Variants in REC114 observed in about 807,000 individuals in gnomAD.
REC114 encodes meiotic recombination protein REC114.
A neutral mutation model predicts 31.3 loss-of-function variants in REC114; 27 were observed. That is an observed-to-expected ratio of 0.86 (90% CI 0.64 to 1.19). REC114 has a LOEUF of 1.19. Among genes scored for constraint, REC114 ranks in the 50% most tolerant of loss-of-function variants. The pLI is 0.00. For synonymous variants in REC114, 134 were observed against 127.7 expected, an observed-to-expected ratio of 1.05 and a Z score of -0.33; for missense variants, 344 against 326.9, an observed-to-expected ratio of 1.05 and a Z score of -0.40.
At chr15:73,516,690 C>T (rs1176943040) in intron 2 of REC114, among the ~76,000 whole-genome samples, 1 of 152,158 alleles carries the variant, frequency 6.6e-6, no homozygotes, top group Non-Finnish European at 1.5e-5. Flanking sequence ...TGCAATGAAG[C>T]AGTCTCGGCT....
At chr15:73,514,743 A>T (rs1051235713) in intron 2 of REC114, among the ~76,000 whole-genome samples, 19 of 152,104 alleles carry the variant, frequency 1.2e-4, no homozygotes, top group Non-Finnish European at 2.4e-4. Flanking sequence ...TAAGACAGCA[A>T]AATTCAGAAT....
intron 2 of REC114, among the ~76,000 whole-genome samples, chr15:73,489,968 T>G (rs1333098888): frequency 6.6e-6 from 1 of 152,214 alleles, no homozygotes; most frequent in African/African-American, 2.4e-5. Context: ...TGGAATCTTT[T>G]GAGAGTGAGG....
chr15:73,466,140 C>T (rs1209068912), intron 1 of REC114, among the ~76,000 whole-genome samples: 1 of 152,030 alleles, frequency 6.6e-6, no homozygotes, highest in African/African-American at 2.4e-5. Flanking sequence ...CATGAGCCAC[C>T]GCACCCGGCC....
At chr15:73,532,606 G>A (rs1358057541) in intron 2 of REC114, among the ~76,000 whole-genome samples, 1 of 151,950 alleles carries the variant, frequency 6.6e-6, no homozygotes, top group African/African-American at 2.4e-5. Flanking sequence ...CACCAACAGT[G>A]TAAAAGTGTT....
chr15:73,528,545 G>T (rs749690084), intron 2 of REC114, among the ~76,000 whole-genome samples: 15 of 152,160 alleles, frequency 9.9e-5, no homozygotes, highest in Non-Finnish European at 1.9e-4. Context: ...TAGGGCAGGG[G>T]TTAGCACACA....
chr15:73,489,713 G>A (rs1221731130), intron 2 of REC114, among the ~76,000 whole-genome samples: 1 of 151,474 alleles, frequency 6.6e-6, no homozygotes, highest in Non-Finnish European at 1.5e-5. Context: ...CCATAGTGAG[G>A]GGAGAGTCTG....
intron 1 of REC114, among the ~76,000 whole-genome samples, chr15:73,455,145 C>T (rs2151252357): frequency 6.6e-6 from 1 of 151,780 alleles, no homozygotes; most frequent in South Asian, 2.1e-4. Flanking sequence ...AAAGAGAAAA[C>T]AAGATTTGTT....
chr15:73,505,342 C>T (rs1893661410), intron 2 of REC114, among the ~76,000 whole-genome samples: 1 of 152,102 alleles, frequency 6.6e-6, no homozygotes, highest in South Asian at 2.1e-4. Flanking sequence ...GTGTACTCAA[C>T]CTGTTGGCCC....
At chr15:73,503,715 A>G (rs1336868706) in intron 2 of REC114, among the ~76,000 whole-genome samples, 2 of 151,950 alleles carry the variant, frequency 1.3e-5, no homozygotes, top group African/African-American at 4.8e-5. Flanking sequence ...ATCTTTTCTT[A>G]TTGGCAATTT....
chr15:73,533,706 C>A (rs879789361), intron 2 of REC114, among the ~76,000 whole-genome samples: 214 of 147,024 alleles, frequency 1.5e-3, no homozygotes, highest in Middle Eastern at 3.5e-3. Flanking sequence ...ATCTACAGAA[C>A]TCTCCACCCC....
At chr15:73,447,962 G>A (rs1426085871) in intron 1 of REC114, among the ~76,000 whole-genome samples, 2 of 152,170 alleles carry the variant, frequency 1.3e-5, no homozygotes, top group African/African-American at 4.8e-5. Flanking sequence ...CACAGATACT[G>A]TGCTTTTCCC....
intron 2 of REC114, among the ~76,000 whole-genome samples, chr15:73,531,354 T>C (rs1299838676): frequency 6.6e-6 from 1 of 152,224 alleles, no homozygotes; most frequent in African/African-American, 2.4e-5. Context: ...TTTCTCCCTT[T>C]CGTTGATGGC....
chr15:73,454,646 C>T (rs768521992), intron 1 of REC114, among the ~76,000 whole-genome samples: 12 of 152,112 alleles, frequency 7.9e-5, no homozygotes, highest in Admixed American at 3.3e-4. Flanking sequence ...GGCTGAAATA[C>T]AAAATGAGGT....
intron 1 of REC114, among the ~76,000 whole-genome samples, chr15:73,450,592 C>T (rs1892831024): frequency 6.6e-6 from 1 of 152,140 alleles, no homozygotes; most frequent in Non-Finnish European, 1.5e-5. Flanking sequence ...GGAAAATTAA[C>T]AAGGATATCC....
At chr15:73,541,470 A>T (rs940521251) in intron 3 of REC114, among the ~76,000 whole-genome samples, 7 of 152,226 alleles carry the variant, frequency 4.6e-5, no homozygotes, top group East Asian at 1.9e-4. Flanking sequence ...AAGCATATAT[A>T]TTAGTTCACA....
chr15:73,498,173 G>A (rs1243670125), intron 2 of REC114, among the ~76,000 whole-genome samples: 3 of 150,042 alleles, frequency 2.0e-5, no homozygotes, highest in Non-Finnish European at 4.4e-5. Flanking sequence ...TTTTTTTTCC[G>A]AGTTTGCTTT....
At chr15:73,552,383 A>G (rs1894405053) in intron 4 of REC114, among the ~76,000 whole-genome samples, 1 of 152,250 alleles carries the variant, frequency 6.6e-6, no homozygotes, top group Admixed American at 6.5e-5. Context: ...ACTAGGTAGT[A>G]AAGAGATTTG....
At chr15:73,550,405 TA>T (rs1431604178) in intron 3 of REC114, among the ~76,000 whole-genome samples, 1 of 152,192 alleles carries the variant, frequency 6.6e-6, no homozygotes, top group Non-Finnish European at 1.5e-5. Context: ...CTGGCCTCTT[TA>T]AGGATAAAGG....
chr15:73,478,279 AAAAAAAAAG>A (rs1893242973), intron 2 of REC114, among the ~76,000 whole-genome samples: 1 of 151,578 alleles, frequency 6.6e-6, no homozygotes, highest in Non-Finnish European at 1.5e-5. Context: ...AAAAAAAAAA[AAAAAAAAAG>A]AATTTGGGTT....
Sources: gnomAD v4.1 joint callset for allele counts (sites outside exome capture counted in the v4.1 genomes callset) on GRCh38, gnomAD v4.1.1 for gene constraint, MANE v1.5 for transcripts, NCBI Gene and HGNC (gene_info 2026-07-23, HGNC 2026-07-21) for gene names.